CLK3: variants seen among roughly 807,000 people sequenced by gnomAD.
The protein encoded by CLK3 is dual specificity protein kinase CLK3.
A neutral mutation model predicts 65.2 loss-of-function variants in CLK3; 24 were observed. That is an observed-to-expected ratio of 0.37 (90% CI 0.27 to 0.52). The LOEUF (loss-of-function observed/expected upper bound fraction) is 0.52, where lower values mean the gene tolerates loss of function less well. Among genes scored for constraint, CLK3 ranks in the 20% least tolerant of loss-of-function variants. The pLI is 0.92. For synonymous variants in CLK3, 252 were observed against 240.8 expected, an observed-to-expected ratio of 1.05 and a Z score of -0.43; for missense variants, 506 against 660.0, an observed-to-expected ratio of 0.77 and a Z score of 2.56.
At chr15:74,611,035 T>C (rs1337985724), upstream of CLK3, among the ~76,000 whole-genome samples, 8 of 152,326 alleles carry the variant, frequency 5.3e-5, no homozygotes, top group East Asian at 1.5e-3. Context: ...CTTCAGTCTA[T>C]GGAGCTAAAA....
In CLK3 at chr15:74,615,898, G is replaced by A. The variant is rs1225592126; in HGVS notation, c.-1G>A. ...TAGCTGCAGCCGGAGCCTGGGAGAC[G>A]GTAAGTGTGGGCTGGGGTCCGCGGC... On this transcript the variant is annotated splice_region_variant and 5_prime_UTR_variant, in exon 1 of 13. Transcript: ENST00000395066. 3.2e-6 allele frequency: 4 copies of A among 1,251,872 alleles called. No homozygotes were observed. The highest frequency in any genetic ancestry group is 4.0e-6 in the Non-Finnish European group (4 of 998,562). The allele number at this position is 1,251,872 out of a possible 1,614,324, so 77.5% of individuals were successfully genotyped here. A position where few individuals can be genotyped will look rare whatever the true frequency, so the allele number is the denominator to read the frequency against.
chr15:74,629,117 C>A, intron 12 of CLK3, 85 bp downstream of exon 12: 1 of 1,032,308 alleles, frequency 9.7e-7, no homozygotes, highest in Non-Finnish European at 1.5e-6. Flanking sequence ...ACAGGCCAGG[C>A]CGCTAAAGGC....
Position 74,624,752 on chromosome 15 carries a change from A to G in CLK3, c.534-150A>G. On this transcript the variant is annotated intron_variant, in intron 5 of 12. Transcript: ENST00000395066. This position sits in a 1 kb window ranked among gnomAD's most constrained non-coding sequence, Gnocchi z 4.2. ...TGGGTGGGCAAAGGTCTGGTGTTGC[A>G]TGGGGCAGGCTGGGCATCCAGTATC... 1.6e-6 allele frequency: 1 copy of G among 639,422 alleles called. No homozygotes were observed. Among genetic ancestry groups the G allele is most frequent in the Non-Finnish European group, 2.9e-6 (1 of 346,810 alleles). 39.6% of individuals were successfully genotyped at this position (639,422 alleles called of 1,614,324 possible).
At chr15:74,618,601 T>C (rs1252347555) in intron 1 of CLK3, among the ~76,000 whole-genome samples, 6 of 152,204 alleles carry the variant, frequency 3.9e-5, no homozygotes, top group Non-Finnish European at 7.4e-5. Context: ...GAGGCCTGTG[T>C]GCCTCTTTCT....
At chr15:74,609,417 C>A (rs1258754024) in intron 1 of CLK3, among the ~76,000 whole-genome samples, 1 of 152,244 alleles carries the variant, frequency 6.6e-6, no homozygotes, top group African/African-American at 2.4e-5. Flanking sequence ...GCTAGAATCT[C>A]TCTCTCCTGG....
At position 74,624,841 on chromosome 15, in the gene CLK3, A is replaced by G. The variant is rs778760193; in HGVS notation, c.534-61A>G. 8 of 1,230,216 alleles carry G rather than the reference A, an allele frequency of 6.5e-6. No homozygotes were observed. The highest frequency in any genetic ancestry group is 5.1e-5 in the South Asian group (4 of 79,020). 76.2% of individuals were successfully genotyped at this position (1,230,216 alleles called of 1,614,324 possible). A position where few individuals can be genotyped will look rare whatever the true frequency, so the allele number is the denominator to read the frequency against. ...GTTGGGAGTTGCTGGGTTGGGGTGG[A>G]GGGTTGGGGAAGGACTGGGCAGCTG... On this transcript the variant is annotated intron_variant, in intron 5 of 12. Coordinates refer to ENST00000395066, the MANE Select transcript of CLK3 (RefSeq NM_001130028.2). The surrounding 1 kb of genome is among the most constrained non-coding windows in gnomAD (Gnocchi z 4.2).
Position 74,622,619 on chromosome 15 carries a change from C to A in CLK3, c.533+59C>A. 1 of 1,405,964 alleles carries A rather than the reference C, an allele frequency of 7.1e-7. No homozygotes were observed. Among genetic ancestry groups the A allele is most frequent in the Non-Finnish European group, 9.8e-7 (1 of 1,020,726 alleles). The allele number at this position is 1,405,964 out of a possible 1,614,324, so 87.1% of individuals were successfully genotyped here. The stretch of plus-strand genomic sequence containing the variant: ...ATGTGATCTTCCTGGGAAGAGCTGG[C>A]CTGAGGTTCTTGAGGGTGGCAGCTA... On this transcript the variant is annotated intron_variant, in intron 5 of 12. Coordinates refer to ENST00000395066, the MANE Select transcript of CLK3 (RefSeq NM_001130028.2). This position sits in a 1 kb window ranked among gnomAD's most constrained non-coding sequence, Gnocchi z 4.6.
chr15:74,626,551 G>C (rs1338672279), intron 7 of CLK3, among the ~76,000 whole-genome samples: 1 of 152,236 alleles, frequency 6.6e-6, no homozygotes, highest in Non-Finnish European at 1.5e-5. Context: ...GCAGGCCACT[G>C]GGGTGGGAAG....
At chr15:74,616,912 T>C (rs748179753) in intron 1 of CLK3, among the ~76,000 whole-genome samples, 3 of 152,204 alleles carry the variant, frequency 2.0e-5, no homozygotes, top group Non-Finnish European at 4.4e-5. Context: ...TTTTCCTCAT[T>C]GTGCAGAGCA....
intron 1 of CLK3, 34 bp from the exon 2 acceptor site, chr15:74,619,163 T>C: frequency 6.2e-7 from 1 of 1,609,146 alleles, no homozygotes; most frequent in Non-Finnish European, 8.5e-7. Flanking sequence ...GCTGGCTGTG[T>C]GTTTAGCAGG....
chr15:74,622,639 C>A lies in CLK3; in HGVS notation c.533+79C>A. On this transcript the variant is annotated intron_variant, in intron 5 of 12. Transcript: ENST00000395066. This position sits in a 1 kb window ranked among gnomAD's most constrained non-coding sequence, Gnocchi z 4.6. ...GCTGGCCTGAGGTTCTTGAGGGTGG[C>A]AGCTATCAGAGCTTAACTTTTTTCT... 1 of 1,152,048 alleles carries A rather than the reference C, an allele frequency of 8.7e-7. No individual in the cohort carries two copies. Among genetic ancestry groups the A allele is most frequent in the Non-Finnish European group, 1.2e-6 (1 of 803,310 alleles). 71.4% of individuals were successfully genotyped at this position (1,152,048 alleles called of 1,614,324 possible).
At chr15:74,628,733 C>G in intron 11 of CLK3, 50 bp downstream of exon 11, 1 of 1,475,696 alleles carries the variant, frequency 6.8e-7, no homozygotes. Context: ...CCTTTCTCTT[C>G]TTGGCTGTGG....
chr15:74,622,345 G>T lies in CLK3; in HGVS notation c.466+129G>T. ...CGGGGCCACCAGTAATTGCCTGAAT[G>T]ACACAGACACTAGCAACTTCCATTT... On this transcript the variant is annotated intron_variant, in intron 4 of 12. Transcript: ENST00000395066. This position sits in a 1 kb window ranked among gnomAD's most constrained non-coding sequence, Gnocchi z 4.6. 1 of 1,031,296 alleles carries T rather than the reference G, an allele frequency of 9.7e-7. No homozygotes were observed. The highest frequency in any genetic ancestry group is 1.5e-6 in the Non-Finnish European group (1 of 684,460). The allele number at this position is 1,031,296 out of a possible 1,614,324, so 63.9% of individuals were successfully genotyped here. A position where few individuals can be genotyped will look rare whatever the true frequency, so the allele number is the denominator to read the frequency against.
intron 12 of CLK3, chr15:74,629,429 C>G (rs2062174848): frequency 1.8e-6 from 1 of 550,796 alleles, no homozygotes; most frequent in African/African-American, 1.9e-5. Flanking sequence ...GTGAATTTCG[C>G]AGAGGTGATC....
At chr15:74,612,589 C>T (rs1222477404), upstream of CLK3, among the ~76,000 whole-genome samples, 1 of 152,150 alleles carries the variant, frequency 6.6e-6, no homozygotes, top group African/African-American at 2.4e-5. Context: ...CCACCCCCAC[C>T]CTGACCTCCC....
At chr15:74,628,503 TG>T in intron 10 of CLK3, 100 bp from the exon 11 acceptor site, 2 of 794,748 alleles carry the variant, frequency 2.5e-6, no homozygotes, top group Non-Finnish European at 4.2e-6. Context: ...TTGCATGTCC[TG>T]GGGCAGTGAG....
chr15:74,625,200 C>G (rs2062134019), intron 6 of CLK3, among the ~76,000 whole-genome samples, 182 bp downstream of exon 6: 1 of 152,192 alleles, frequency 6.6e-6, no homozygotes, highest in Admixed American at 6.5e-5. Flanking sequence ...CCAGCTGTCT[C>G]TGTGTCCTGA....
intron 1 of CLK3, 25 bp downstream of exon 1, chr15:74,615,923 C>T (rs1596285061): frequency 3.2e-6 from 4 of 1,239,362 alleles, no homozygotes; most frequent in East Asian, 3.1e-5. Flanking sequence ...GGGTCCGCGG[C>T]GGCGACAGCG....
Position 74,627,331 on chromosome 15 carries a change from C to A in CLK3, c.818-21C>A. 1 of 1,601,174 alleles carries A rather than the reference C, an allele frequency of 6.2e-7. No individual in the cohort carries two copies. On this transcript the variant is annotated intron_variant, in intron 7 of 12. Coordinates refer to ENST00000395066, the MANE Select transcript of CLK3 (RefSeq NM_001130028.2). The surrounding 1 kb of genome is among the most constrained non-coding windows in gnomAD (Gnocchi z 4.3). ...GCCAGCTTCTCAGTGCCTACTTCCCCTTCTTTCCCTGCTACCTTAGTTCTG... is the reference window on the plus strand; with the variant it reads ...GCCAGCTTCTCAGTGCCTACTTCCCATTCTTTCCCTGCTACCTTAGTTCTG...
Sources: gnomAD v4.1 joint callset for allele counts (sites outside exome capture counted in the v4.1 genomes callset) on GRCh38, gnomAD v4.1.1 for gene constraint, Gnocchi (gnomAD v3.1) non-coding constraint, MANE v1.5 for transcripts, NCBI Gene and HGNC (gene_info 2026-07-23, HGNC 2026-07-21) for gene names.